Variants in SHC4 observed in about 807,000 individuals in gnomAD.
The protein encoded by SHC4 is SHC adaptor protein 4, also known as SHC-transforming protein 4.
Under a neutral mutation model 69.4 loss-of-function variants are expected in SHC4, and 41 were observed. The observed-to-expected ratio is 0.59, with a 90% CI of 0.46 to 0.77. SHC4 has a LOEUF of 0.77. SHC4 is among the 30% of genes least tolerant of loss of function. The pLI is 0.00. For missense variants in SHC4, 777 were observed against 783.8 expected, an observed-to-expected ratio of 0.99 and a Z score of 0.10; for synonymous variants, 318 against 299.3, an observed-to-expected ratio of 1.06 and a Z score of -0.64.
chr15:48,846,688 C>A (rs530574071), intron 9 of SHC4, among the ~76,000 whole-genome samples: 2 of 152,318 alleles, frequency 1.3e-5, no homozygotes, highest in South Asian at 4.1e-4. Context: ...ATTTGTGTAT[C>A]TTCTGCATCT....
intron 2 of SHC4, among the ~76,000 whole-genome samples, chr15:48,914,157 G>T (rs887812489): frequency 4.6e-5 from 7 of 152,200 alleles, no homozygotes; most frequent in Non-Finnish European, 7.4e-5. Flanking sequence ...CACCGCGCCC[G>T]GCGCGACATT....
Position 48,963,196 on chromosome 15 carries a change from G to A in SHC4, c.-181C>T, listed in dbSNP as rs914336126. ...CCCTTAAGGGTGACAGCCCATGGGG[G>A]AAACGCCTCCCCTGCTCTGATTTCA... On this transcript the variant is annotated 5_prime_UTR_variant, in exon 1 of 12. Coordinates refer to ENST00000332408, the MANE Select transcript of SHC4 (RefSeq NM_203349.4). The A allele has an allele frequency of 3.3e-6, 2 of 606,954 alleles. No homozygotes were observed. Among genetic ancestry groups the A allele is most frequent in the South Asian group, 2.1e-5 (1 of 46,678 alleles). The allele number at this position is 606,954 out of a possible 1,614,324, so 37.6% of individuals were successfully genotyped here.
Position 48,962,527 on chromosome 15 carries a change from G to A in SHC4, c.489C>T (p.Cys163=), listed in dbSNP as rs1403262871. The change falls in exon 1 of 12, where the codon TGC becomes TGT. Residue 163 remains cysteine, a synonymous_variant. Transcript: ENST00000332408. Reference sequence around the variant, plus strand: ...TTGGCTCCCCAGGGCCAGGAAGCGGGCACGAATCAGGGGTTAGGGCGGTTG... The same window carrying A: ...TTGGCTCCCCAGGGCCAGGAAGCGGACACGAATCAGGGGTTAGGGCGGTTG... ...HRATALTPDS[C]PLPGPGEPTL... is the part of the protein sequence containing the mutation. 2 of 1,592,732 alleles carry A rather than the reference G, an allele frequency of 1.3e-6. No individual in the cohort carries two copies. Among genetic ancestry groups the A allele is most frequent in the Non-Finnish European group, 1.7e-6 (2 of 1,169,048 alleles).
At chr15:48,951,545 G>T (rs1901364701) in intron 1 of SHC4, among the ~76,000 whole-genome samples, 1 of 151,922 alleles carries the variant, frequency 6.6e-6, no homozygotes, top group Non-Finnish European at 1.5e-5. Context: ...CAACCTTGTT[G>T]TATCAGTCCA....
chr15:48,867,691 T>C (rs1319946447), intron 6 of SHC4, 127 bp downstream of exon 6: 3 of 703,930 alleles, frequency 4.3e-6, no homozygotes, highest in Non-Finnish European at 2.3e-6. Flanking sequence ...ATTTGCATAA[T>C]ATTTCTAGAA....
intron 2 of SHC4, among the ~76,000 whole-genome samples, chr15:48,908,950 G>A (rs545564669): frequency 3.9e-5 from 6 of 152,164 alleles, no homozygotes; most frequent in Non-Finnish European, 5.9e-5. Context: ...GGTGACTATG[G>A]CACTATAGTA....
intron 2 of SHC4, among the ~76,000 whole-genome samples, chr15:48,911,341 A>G (rs7173735): frequency 6.6e-6 from 1 of 151,958 alleles, no homozygotes; most frequent in East Asian, 1.9e-4. Context: ...TCTTTTACTG[A>G]TGTTGCTTTA....
chr15:48,936,158 A>G (rs912238502), intron 1 of SHC4, among the ~76,000 whole-genome samples: 1 of 152,132 alleles, frequency 6.6e-6, no homozygotes, highest in Non-Finnish European at 1.5e-5. Flanking sequence ...TTGAATATAT[A>G]TTTTTAAAAT....
At chr15:48,902,685 T>A (rs1164804521) in intron 2 of SHC4, among the ~76,000 whole-genome samples, 1 of 152,094 alleles carries the variant, frequency 6.6e-6, no homozygotes, top group Non-Finnish European at 1.5e-5. Context: ...CTGGTCAATA[T>A]GGGGTTCCAA....
intron 11 of SHC4, among the ~76,000 whole-genome samples, chr15:48,832,739 A>G (rs1191860701): frequency 6.6e-6 from 1 of 152,046 alleles, no homozygotes; most frequent in Non-Finnish European, 1.5e-5. Flanking sequence ...TTTAAAAGTA[A>G]TATTTTTGTT....
chr15:48,886,709 T>G (rs16961806), intron 3 of SHC4, among the ~76,000 whole-genome samples: 1 of 152,204 alleles, frequency 6.6e-6, no homozygotes, highest in Non-Finnish European at 1.5e-5. Context: ...TGGAAATGCA[T>G]AGTATACAGC....
intron 2 of SHC4, among the ~76,000 whole-genome samples, chr15:48,891,752 ATATAT>A (rs1248038696): frequency 2.0e-5 from 3 of 152,214 alleles, no homozygotes; most frequent in South Asian, 2.1e-4. Flanking sequence ...TAGTTTTTAT[ATATAT>A]TATATTTCAC....
chr15:48,951,786 C>A (rs1901369538), intron 1 of SHC4, among the ~76,000 whole-genome samples: 1 of 152,166 alleles, frequency 6.6e-6, no homozygotes, highest in South Asian at 2.1e-4. Context: ...GGAAGGTGTG[C>A]CCTTTCTTCT....
intron 4 of SHC4, among the ~76,000 whole-genome samples, chr15:48,883,939 T>C (rs893629542): frequency 1.3e-5 from 2 of 152,188 alleles, no homozygotes; most frequent in Non-Finnish European, 2.9e-5. Flanking sequence ...TGGGGAGGGT[T>C]GGTGGAGACA....
intron 1 of SHC4, among the ~76,000 whole-genome samples, chr15:48,938,866 T>C (rs1901122702): frequency 6.6e-6 from 1 of 152,210 alleles, no homozygotes; most frequent in South Asian, 2.1e-4. Context: ...TCTAGGAGCA[T>C]GGGCTTTGAG....
chr15:48,931,580 A>G (rs142818805), intron 1 of SHC4, among the ~76,000 whole-genome samples: 2 of 152,042 alleles, frequency 1.3e-5, no homozygotes, highest in East Asian at 3.9e-4. Context: ...TCATCGTCAT[A>G]ACTTCCCTGT....
intron 1 of SHC4, among the ~76,000 whole-genome samples, chr15:48,957,625 C>T (rs1050703649): frequency 6.6e-6 from 1 of 152,080 alleles, no homozygotes; most frequent in Non-Finnish European, 1.5e-5. Context: ...AGCTTGATAC[C>T]CAAGAAGGCC....
intron 3 of SHC4, 29 bp downstream of exon 3, chr15:48,890,719 A>G (rs111852929): frequency 1.2e-6 from 2 of 1,612,988 alleles, no homozygotes; most frequent in Non-Finnish European, 1.7e-6. Context: ...TTAGGGAAAC[A>G]TAAACAAGAA....
At chr15:48,916,315 A>C (rs973798754) in intron 2 of SHC4, among the ~76,000 whole-genome samples, 1 of 141,908 alleles carries the variant, frequency 7.0e-6, no homozygotes, top group Admixed American at 7.1e-5. Context: ...ACACACACAC[A>C]CACCCAGAAG....
Sources: gnomAD v4.1 joint callset for allele counts (sites outside exome capture counted in the v4.1 genomes callset) on GRCh38, gnomAD v4.1.1 for gene constraint, MANE v1.5 for transcripts, NCBI Gene and HGNC (gene_info 2026-07-23, HGNC 2026-07-21) for gene names.